PLD4: variants seen among roughly 807,000 people sequenced by gnomAD.
PLD4 encodes the protein phospholipase D family member 4.
PLD4 carries 54 observed loss-of-function variants against 52.3 expected under a neutral mutation model. The observed-to-expected ratio is 1.03, with a 90% confidence interval of 0.83 to 1.30. The LOEUF is 1.30. PLD4 is among the 50% of genes most tolerant of loss of function. The probability of loss-of-function intolerance (pLI) is 0.00; values close to 1 mark genes in which losing one functional copy is unlikely to be tolerated. For missense variants in PLD4, 731 were observed against 671.1 expected, an observed-to-expected ratio of 1.09 and a Z score of -0.99; for synonymous variants, 264 against 286.5, an observed-to-expected ratio of 0.92 and a Z score of 0.79.
Position 104,932,655 on chromosome 14 carries a change from G to A in PLD4, c.1322-110G>A, listed in dbSNP as rs1897695516. 9 of 1,155,752 alleles carry A rather than the reference G, an allele frequency of 7.8e-6. No individual in the cohort carries two copies. The highest frequency in any genetic ancestry group is 1.1e-5 in the Non-Finnish European group (9 of 832,278). 71.6% of individuals were successfully genotyped at this position (1,155,752 alleles called of 1,614,324 possible). On this transcript the variant is annotated intron_variant, in intron 10 of 10. Coordinates refer to ENST00000392593, the MANE Select transcript of PLD4 (RefSeq NM_138790.5). The surrounding 1 kb of genome is among the most constrained non-coding windows in gnomAD (Gnocchi z 6.5). ...CCGGCTGGAGTCTGATGACAGTGGA[G>A]GGGCCAGCTGCCAACCGTCCCCAAA...
At position 104,931,873 on chromosome 14, in the gene PLD4, C is replaced by T. The variant is rs1349558708; in HGVS notation, c.1044C>T (p.Phe348=). The part of the protein sequence containing the change: ...SVMEYFPTTR[F]SHPPRYWPVL... Reference sequence around the variant, plus strand: ...TGGAGTATTTCCCCACCACGCGCTTCAGCCACCCCCCGAGGTAGGTCTGAG... The same window carrying T: ...TGGAGTATTTCCCCACCACGCGCTTTAGCCACCCCCCGAGGTAGGTCTGAG... The change falls in exon 8 of 11, where the codon TTC becomes TTT. Residue 348 remains phenylalanine, a synonymous_variant. Transcript: ENST00000392593. The T allele has an allele frequency of 6.5e-7, 1 of 1,542,200 alleles. No individual in the cohort carries two copies. The highest frequency in any genetic ancestry group is 1.9e-5 in the Admixed American group (1 of 52,726).
In PLD4 at chr14:104,927,131, C is replaced by T. The variant is rs1897480831; in HGVS notation, c.1-10C>T. ...TGGAGCTGCTGGTGATGCCAGGCTGCCCTGTGCAGATGCTGAAGCCTCTTT... is the reference window on the plus strand; with the variant it reads ...TGGAGCTGCTGGTGATGCCAGGCTGTCCTGTGCAGATGCTGAAGCCTCTTT... On this transcript the variant is annotated splice_polypyrimidine_tract_variant and intron_variant, in intron 1 of 10. Coordinates refer to ENST00000392593, the MANE Select transcript of PLD4 (RefSeq NM_138790.5). 1.3e-6 allele frequency: 2 copies of T among 1,547,026 alleles called. No homozygotes were observed. Among genetic ancestry groups the T allele is most frequent in the Non-Finnish European group, 8.7e-7 (1 of 1,145,164 alleles).
At position 104,927,673 on chromosome 14, in the gene PLD4, T is replaced by C. The variant is rs1422896768; in HGVS notation, c.91T>C (p.Leu31=). The change falls in exon 3 of 11, where the codon TTG becomes CTG. Residue 31 remains leucine (L), a splice_region_variant and synonymous_variant. Coordinates refer to ENST00000392593, the MANE Select transcript of PLD4 (RefSeq NM_138790.5). ...RRPWDREAGT[L]QVLGALAVLW... ...ACCCTGCGGGTGCTGCCCCATCCAG[T>C]TGCAGGTCCTGGGAGCGCTGGCTGT... The C allele has an allele frequency of 1.3e-6, 2 of 1,586,362 alleles. No individual in the cohort carries two copies. Among genetic ancestry groups the C allele is most frequent in the Non-Finnish European group, 1.7e-6 (2 of 1,169,786 alleles).
chr14:104,929,452 A>G, intron 5 of PLD4, 25 bp downstream of exon 5: 1 of 1,533,510 alleles, frequency 6.5e-7, no homozygotes. Context: ...CATGCTGGGC[A>G]CCACTGCCCT....
In PLD4 at chr14:104,932,308, G is replaced by A; in HGVS notation, c.1274G>A (p.Arg425Lys). The change falls in exon 10 of 11, where the codon AGG becomes AAG. Residue 425 changes from arginine (R) to lysine (K), a missense_variant. By Grantham distance (26) the Arg-to-Lys change is conservative. Transcript: ENST00000392593. This position sits in a 1 kb window ranked among gnomAD's most constrained non-coding sequence, Gnocchi z 6.5. ...VGNHSNIPFS[R>K]VNHSKFMVTE... The stretch of plus-strand genomic sequence containing the variant: ...AACCATTCCAACATCCCATTCAGCA[G>A]GGTGAACCACAGCAAGTTCATGGTC... 6.2e-7 allele frequency: 1 copy of A among 1,612,742 alleles called. No homozygotes were observed. The highest frequency in any genetic ancestry group is 1.3e-5 in the African/African-American group (1 of 75,060).
intron 4 of PLD4, 53 bp from the exon 5 acceptor site, chr14:104,929,254 G>A: frequency 6.4e-7 from 1 of 1,571,482 alleles, no homozygotes; most frequent in Non-Finnish European, 8.6e-7. Flanking sequence ...TAGTGGGGAT[G>A]CGGAGGAGAG....
In PLD4 at chr14:104,932,477, G is replaced by C; in HGVS notation, c.1321+122G>C. The C allele has an allele frequency of 1.8e-6, 2 of 1,133,150 alleles. No homozygotes were observed. Among genetic ancestry groups the C allele is most frequent in the Non-Finnish European group, 2.5e-6 (2 of 793,402 alleles). The allele number at this position is 1,133,150 out of a possible 1,614,324, so 70.2% of individuals were successfully genotyped here. On this transcript the variant is annotated intron_variant, in intron 10 of 10. Coordinates refer to ENST00000392593, the MANE Select transcript of PLD4 (RefSeq NM_138790.5). The surrounding 1 kb of genome is among the most constrained non-coding windows in gnomAD (Gnocchi z 6.5). ...GAGGGGCTGCTGCTGAAGGGGGACG[G>C]GGTCTCCATGGAGTTCCGGGGACCA...
In PLD4 at chr14:104,927,719, C is replaced by T. The variant is rs770689792; in HGVS notation, c.137C>T (p.Ala46Val). ...ALAVLWLGSV[A>V]LICLLWQVPR... ...GCTGTGCTGTGGCTGGGCTCCGTGGCTCTTATCTGCCTCCTGTGGCAAGTG... is the reference window on the plus strand; with the variant it reads ...GCTGTGCTGTGGCTGGGCTCCGTGGTTCTTATCTGCCTCCTGTGGCAAGTG... The change falls in exon 3 of 11, where the codon GCT (alanine) becomes GTT (valine). Residue 46 changes from alanine (A) to valine (V), a missense_variant. Physicochemically the swap from Ala to Val is moderately conservative, Grantham distance 64 (BLOSUM62 0). Transcript: ENST00000392593. 1.3e-6 allele frequency: 2 copies of T among 1,597,276 alleles called. No individual in the cohort carries two copies. The highest frequency in any genetic ancestry group is 1.7e-5 in the Admixed American group (1 of 58,614).
At position 104,932,914 on chromosome 14, in the gene PLD4, G is replaced by A; in HGVS notation, c.1471G>A (p.Val491Ile). The A allele has an allele frequency of 6.2e-7, 1 of 1,601,920 alleles. No homozygotes were observed. The highest frequency in any genetic ancestry group is 8.5e-7 in the Non-Finnish European group (1 of 1,175,418). Reference protein sequence around the residue: ...FERDWSSRYAVGLDGQAPGQD... With the variant: ...FERDWSSRYAIGLDGQAPGQD... The stretch of plus-strand genomic sequence containing the variant: ...GCGGGACTGGAGTTCGCGCTACGCC[G>A]TCGGCCTGGACGGACAGGCTCCGGG... Residue 491 changes from valine to isoleucine, a missense_variant, in exon 11 of 11, where the codon GTC becomes ATC. Coordinates refer to ENST00000392593, the MANE Select transcript of PLD4 (RefSeq NM_138790.5). This position sits in a 1 kb window ranked among gnomAD's most constrained non-coding sequence, Gnocchi z 6.5.
chr14:104,932,757 C>T lies in PLD4; in HGVS notation c.1322-8C>T, dbSNP rs1897698331. 3 of 1,542,756 alleles carry T rather than the reference C, an allele frequency of 1.9e-6. No individual in the cohort carries two copies. The highest frequency in any genetic ancestry group is 2.6e-6 in the Non-Finnish European group (3 of 1,141,126). On this transcript the variant is annotated splice_polypyrimidine_tract_variant and splice_region_variant and intron_variant, in intron 10 of 10. Transcript: ENST00000392593. The surrounding 1 kb of genome is among the most constrained non-coding windows in gnomAD (Gnocchi z 6.5). ...GGCGCCCCAGTGTCTCCTCCATCCT[C>T]CCCGCAGGCACCTCCAACTGGTCGG...
Position 104,933,141 on chromosome 14 carries a change from C to A in PLD4, c.*177C>A. The A allele has an allele frequency of 1.4e-6, 1 of 690,550 alleles. No homozygotes were observed. Among genetic ancestry groups the A allele is most frequent in the Non-Finnish European group, 2.3e-6 (1 of 442,378 alleles). The allele number at this position is 690,550 out of a possible 1,614,324, so 42.8% of individuals were successfully genotyped here. A position where few individuals can be genotyped will look rare whatever the true frequency, so the allele number is the denominator to read the frequency against. The stretch of plus-strand genomic sequence containing the variant: ...CCTGCTCTCTGATTTCCGAGTCCAG[C>A]CCCCCCTGAGCCCCACCTCCTCCAG... On this transcript the variant is annotated 3_prime_UTR_variant, in exon 11 of 11. Coordinates refer to ENST00000392593, the MANE Select transcript of PLD4 (RefSeq NM_138790.5).
rs934075416 is a variant in PLD4 at position 104,928,602 on chromosome 14, C to T, written c.285-147C>T. 6.4e-6 allele frequency: 5 copies of T among 775,924 alleles called. No individual in the cohort carries two copies. The Admixed American group carries it at 8.5e-5, about 13-fold the overall frequency. 48.1% of individuals were successfully genotyped at this position (775,924 alleles called of 1,614,324 possible). A position where few individuals can be genotyped will look rare whatever the true frequency, so the allele number is the denominator to read the frequency against. Reference sequence around the variant, plus strand: ...TCTGTTTTGTTGCCTATACCTTAAACCCTTACCCTGCACACTTGGCCTGGG... The same window carrying T: ...TCTGTTTTGTTGCCTATACCTTAAATCCTTACCCTGCACACTTGGCCTGGG... On this transcript the variant is annotated intron_variant, in intron 3 of 10. Coordinates refer to ENST00000392593, the MANE Select transcript of PLD4 (RefSeq NM_138790.5).
intron 7 of PLD4, 82 bp from the exon 8 acceptor site, chr14:104,931,666 C>A: frequency 1.3e-6 from 2 of 1,495,434 alleles, no homozygotes; most frequent in Non-Finnish European, 8.9e-7. Context: ...CACATGGGGC[C>A]TCTTAGGTGG....
chr14:104,933,115 G>T lies in PLD4; in HGVS notation c.*151G>T. 2.3e-6 allele frequency: 2 copies of T among 854,214 alleles called. No individual in the cohort carries two copies. Among genetic ancestry groups the T allele is most frequent in the South Asian group, 4.0e-5 (2 of 50,600 alleles). 52.9% of individuals were successfully genotyped at this position (854,214 alleles called of 1,614,324 possible). Reference sequence around the variant, plus strand: ...ACCGCCCGGGCGTCGCAAACCGCCCGCCTGCTCTCTGATTTCCGAGTCCAG... The same window carrying T: ...ACCGCCCGGGCGTCGCAAACCGCCCTCCTGCTCTCTGATTTCCGAGTCCAG... On this transcript the variant is annotated 3_prime_UTR_variant, in exon 11 of 11. Transcript: ENST00000392593.
chr14:104,928,759 G>C lies in PLD4; in HGVS notation c.295G>C (p.Val99Leu). The change falls in exon 4 of 11, where the codon GTG becomes CTG. Residue 99 changes from valine (V) to leucine (L), a missense_variant. Transcript: ENST00000392593. ...QQRDSCQLVL[V>L]ESIPQDLPSA... ...TGGCTCTCCCCACAGGCTTGTCCTT[G>C]TGGAAAGCATCCCCCAGGACCTGCC... The C allele has an allele frequency of 2.5e-6, 4 of 1,588,888 alleles. No homozygotes were observed. The highest frequency in any genetic ancestry group is 3.4e-6 in the Non-Finnish European group (4 of 1,163,892).
At chr14:104,926,933 G>A (rs777530622) in intron 1 of PLD4, among the ~76,000 whole-genome samples, 9 of 152,192 alleles carry the variant, frequency 5.9e-5, no homozygotes, top group Non-Finnish European at 1.3e-4. Flanking sequence ...ACATGTGGCC[G>A]GCTGCGGGCT....
chr14:104,927,766 C>T lies in PLD4; in HGVS notation c.184C>T (p.Gln62Ter). The change falls in exon 3 of 11, where the codon CAG becomes TAG. Residue 62 changes from glutamine to a stop codon, truncating the protein, a stop_gained. Coordinates refer to ENST00000392593, the MANE Select transcript of PLD4 (RefSeq NM_138790.5). LOFTEE classifies it high-confidence loss of function. ...AGTGCCCCGTCCTCCCACCTGGGGC[C>T]AGGTGCAGCCCAAGGACGTGCCCAG... is the stretch of plus-strand genomic sequence containing the variant. ...WQVPRPPTWG[Q>*]VQPKDVPRSW... The T allele has an allele frequency of 6.3e-7, 1 of 1,599,134 alleles. No individual in the cohort carries two copies.
Position 104,930,063 on chromosome 14 carries a change from A to G in PLD4, c.675A>G (p.Ile225Met), listed in dbSNP as rs1203090073. 5 of 1,613,470 alleles carry G rather than the reference A, an allele frequency of 3.1e-6. No homozygotes were observed. In the South Asian group the frequency reaches 5.5e-5, roughly 18 times the overall value. Residue 225 changes from isoleucine (I) to methionine (M), a missense_variant, in exon 6 of 11, where the codon ATA becomes ATG. Physicochemically the swap from Ile to Met is conservative, Grantham distance 10. Transcript: ENST00000392593. ...TCTGGGTTGTGGATGGACGGCACAT[A>G]TACATGGGCAGTGCCAACATGGACT... ...SKFWVVDGRH[I>M]YMGSANMDWR...
At chr14:104,926,310 C>A (rs370341813) in intron 1 of PLD4, among the ~76,000 whole-genome samples, 1 of 152,202 alleles carries the variant, frequency 6.6e-6, no homozygotes, top group Non-Finnish European at 1.5e-5. Context: ...CCGGGGAGGG[C>A]GCCTCTGTAC....
Sources: allele counts gnomAD v4.1 joint callset (sites outside exome capture counted in the v4.1 genomes callset), GRCh38; gene constraint gnomAD v4.1.1; non-coding constraint Gnocchi (gnomAD v3.1); transcripts MANE v1.5; gene names NCBI Gene and HGNC (gene_info 2026-07-23, HGNC 2026-07-21).